The following FHIT variants were observed in gnomAD, a reference collection of about 807,000 sequenced individuals.
The protein encoded by FHIT is bis(5'-adenosyl)-triphosphatase.
A neutral mutation model predicts 17.9 loss-of-function variants in FHIT; 19 were observed. That is an observed-to-expected ratio of 1.06 (90% confidence interval 0.74 to 1.56). FHIT has a LOEUF of 1.56. FHIT is among the 40% of genes most tolerant of loss of function. The pLI is 0.00. For missense variants in FHIT, 248 were observed against 189.2 expected, an observed-to-expected ratio of 1.31 and a Z score of -1.82; for synonymous variants, 81 against 69.7, an observed-to-expected ratio of 1.16 and a Z score of -0.81.
At chr3:60,304,394 G>C (rs1269176899) in intron 5 of FHIT, among the ~76,000 whole-genome samples, 1 of 151,802 alleles carries the variant, frequency 6.6e-6, no homozygotes. Flanking sequence ...CCACACCTCA[G>C]GAACAAAAGC....
At chr3:60,656,647 G>T (rs2040122895) in intron 4 of FHIT, among the ~76,000 whole-genome samples, 1 of 152,072 alleles carries the variant, frequency 6.6e-6, no homozygotes, top group Non-Finnish European at 1.5e-5. Context: ...AGGTCCCATT[G>T]GCCCAAGCTC....
intron 5 of FHIT, among the ~76,000 whole-genome samples, chr3:60,260,119 C>T (rs1706215820): frequency 2.6e-5 from 4 of 152,064 alleles, no homozygotes. Context: ...TTCTGTGCAT[C>T]TAACCACTAC....
chr3:60,035,156 A>T (rs552340145), intron 5 of FHIT, among the ~76,000 whole-genome samples: 1 of 152,308 alleles, frequency 6.6e-6, no homozygotes, highest in East Asian at 1.9e-4. Flanking sequence ...CGATGAGTAT[A>T]CATCAGATAG....
intron 1 of FHIT, among the ~76,000 whole-genome samples, chr3:61,209,238 C>A (rs892470392): frequency 1.3e-5 from 2 of 152,208 alleles, no homozygotes; most frequent in Admixed American, 6.5e-5. Flanking sequence ...TTCTCTCTGG[C>A]TGCCCTTAAA....
intron 5 of FHIT, among the ~76,000 whole-genome samples, chr3:60,350,722 C>T (rs373756227): frequency 3.0e-4 from 46 of 152,178 alleles, no homozygotes; most frequent in African/African-American, 8.9e-4. Flanking sequence ...CTAAGATAAG[C>T]GTGATGAACA....
At chr3:59,778,347 T>A (rs886566867) in intron 8 of FHIT, among the ~76,000 whole-genome samples, 2 of 152,206 alleles carry the variant, frequency 1.3e-5, no homozygotes, top group African/African-American at 4.8e-5. Context: ...ATCTTCCATT[T>A]GTTGAATGAC....
chr3:60,960,523 T>C (rs1442013618), intron 3 of FHIT, among the ~76,000 whole-genome samples: 1 of 152,230 alleles, frequency 6.6e-6, no homozygotes, highest in Non-Finnish European at 1.5e-5. Flanking sequence ...GCTGCACCCA[T>C]TAACTCATCA....
chr3:60,064,133 G>A (rs1379804564), intron 5 of FHIT, among the ~76,000 whole-genome samples: 3 of 152,064 alleles, frequency 2.0e-5, no homozygotes, highest in Non-Finnish European at 4.4e-5. Flanking sequence ...GGAAAGGAAA[G>A]TTTTCATTTT....
chr3:61,097,679 G>C (rs1363865641), intron 2 of FHIT, among the ~76,000 whole-genome samples: 1 of 152,014 alleles, frequency 6.6e-6, no homozygotes, highest in Non-Finnish European at 1.5e-5. Flanking sequence ...TTGTGGTTTT[G>C]ATTTGCATTT....
chr3:60,805,089 T>C (rs2106684777), intron 4 of FHIT, among the ~76,000 whole-genome samples: 1 of 152,362 alleles, frequency 6.6e-6, no homozygotes, highest in African/African-American at 2.4e-5. Context: ...CTTTATACTA[T>C]GGTTATGCTG....
chr3:60,405,720 A>G (rs1701831486), intron 5 of FHIT, among the ~76,000 whole-genome samples: 1 of 152,194 alleles, frequency 6.6e-6, no homozygotes, highest in Admixed American at 6.5e-5. Flanking sequence ...GTTGGGAGAC[A>G]TTTTGGGCTA....
chr3:60,987,597 G>T (rs1035905900), intron 3 of FHIT, among the ~76,000 whole-genome samples: 3 of 152,212 alleles, frequency 2.0e-5, no homozygotes, highest in African/African-American at 7.2e-5. Context: ...AGCTCTGAAG[G>T]CTGTGAGACC....
At chr3:60,706,926 G>A (rs1308342829) in intron 4 of FHIT, among the ~76,000 whole-genome samples, 1 of 152,154 alleles carries the variant, frequency 6.6e-6, no homozygotes, top group East Asian at 1.9e-4. Flanking sequence ...CATCTTGTCC[G>A]AGAATTAATT....
intron 5 of FHIT, among the ~76,000 whole-genome samples, chr3:60,445,693 T>C (rs561231036): frequency 6.6e-6 from 1 of 152,128 alleles, no homozygotes; most frequent in African/African-American, 2.4e-5. Flanking sequence ...TTTTCTTATT[T>C]TTCCCCCTGT....
At chr3:60,683,314 G>T (rs140236058) in intron 4 of FHIT, among the ~76,000 whole-genome samples, 3 of 152,110 alleles carry the variant, frequency 2.0e-5, no homozygotes, top group African/African-American at 7.2e-5. Context: ...GAAGTCATTC[G>T]TGAAAGCAAG....
chr3:60,518,228 A>G (rs1009654587), intron 5 of FHIT, among the ~76,000 whole-genome samples: 93 of 152,330 alleles, frequency 6.1e-4, no homozygotes, highest in African/African-American at 2.2e-3. Context: ...AAAAAGGAAC[A>G]ATATTTGCAA....
intron 5 of FHIT, among the ~76,000 whole-genome samples, chr3:60,074,674 C>A (rs766935244): frequency 2.6e-3 from 384 of 146,562 alleles, no homozygotes; most frequent in Non-Finnish European, 4.9e-3. Context: ...GAAAAAAAAA[C>A]AACATGCACT....
chr3:60,445,112 T>A (rs1046052811), intron 5 of FHIT, among the ~76,000 whole-genome samples: 1 of 152,084 alleles, frequency 6.6e-6, no homozygotes, highest in Non-Finnish European at 1.5e-5. Context: ...CTCTAAAATA[T>A]GGTAATCAAA....
intron 5 of FHIT, among the ~76,000 whole-genome samples, chr3:60,236,579 T>C (rs1704807999): frequency 6.6e-6 from 1 of 152,198 alleles, no homozygotes; most frequent in African/African-American, 2.4e-5. Flanking sequence ...TATTTATCTG[T>C]AAGCAGTAGT....
Sources: allele counts gnomAD v4.1 joint callset (sites outside exome capture counted in the v4.1 genomes callset), GRCh38; gene constraint gnomAD v4.1.1; transcripts MANE v1.5; gene names NCBI Gene and HGNC (gene_info 2026-07-23, HGNC 2026-07-21).